R3HDM1: variants seen among roughly 807,000 people sequenced by gnomAD.
The protein encoded by R3HDM1 is R3H domain containing 1.
In R3HDM1, 46 loss-of-function variants were observed where a neutral mutation model predicts 141.1. That is an observed-to-expected ratio of 0.33 (90% CI 0.26 to 0.42). The LOEUF (loss-of-function observed/expected upper bound fraction) is 0.42. R3HDM1 is among the 10% of genes least tolerant of loss of function. The pLI is 1.00. For synonymous variants in R3HDM1, 435 were observed against 472.9 expected, an observed-to-expected ratio of 0.92 and a Z score of 1.04; for missense variants, 1,184 against 1,368.3, an observed-to-expected ratio of 0.87 and a Z score of 2.12.
intron 5 of R3HDM1, among the ~76,000 whole-genome samples, chr2:135,617,868 C>A (rs1432087586): frequency 2.6e-5 from 4 of 152,148 alleles, no homozygotes; most frequent in Non-Finnish European, 5.9e-5. Context: ...CATGACTGAT[C>A]CATGACATGT....
At chr2:135,630,981 A>G (rs1397267720) in intron 7 of R3HDM1, among the ~76,000 whole-genome samples, 2 of 152,176 alleles carry the variant, frequency 1.3e-5, no homozygotes, top group African/African-American at 4.8e-5. Flanking sequence ...GGTACTCCCT[A>G]GAGTCCTTAT....
chr2:135,632,247 A>G (rs772854554), intron 9 of R3HDM1, among the ~76,000 whole-genome samples: 1 of 151,988 alleles, frequency 6.6e-6, no homozygotes, highest in Non-Finnish European at 1.5e-5. Flanking sequence ...TCCAGAGGAC[A>G]TAGTATCAGT....
intron 1 of R3HDM1, among the ~76,000 whole-genome samples, chr2:135,582,750 ATGT>A (rs1559167401): frequency 1.3e-5 from 2 of 152,188 alleles, no homozygotes; most frequent in African/African-American, 4.8e-5. Flanking sequence ...TAATAGGAGA[ATGT>A]TGTATATTTG....
In R3HDM1 at chr2:135,720,124, T is replaced by A. The variant is rs560114856; in HGVS notation, c.2882-1800T>A. ...TCCCAAAGTGCTGGAATTACAGGCGTGAGCCACCGCGCCCGGCCTTCACAA... is the reference window on the plus strand; with the variant it reads ...TCCCAAAGTGCTGGAATTACAGGCGAGAGCCACCGCGCCCGGCCTTCACAA... On this transcript the variant is annotated intron_variant, in intron 24 of 26. Transcript: ENST00000683871. 2.0e-4 allele frequency among the ~76,000 whole-genome samples: 30 copies of A among 152,340 alleles called. No individual in the cohort carries two copies. The South Asian group carries it at 5.8e-3, about 29-fold the overall frequency.
chr2:135,622,220 CT>C, intron 6 of R3HDM1: 1 of 984,488 alleles, frequency 1.0e-6, no homozygotes, highest in Non-Finnish European at 1.2e-6. Flanking sequence ...ACTAAAATTT[CT>C]ATCTACCTCC....
At chr2:135,572,767 C>T (rs1034597888) in intron 1 of R3HDM1, among the ~76,000 whole-genome samples, 6 of 152,166 alleles carry the variant, frequency 3.9e-5, no homozygotes, top group African/African-American at 9.7e-5. Context: ...CAAATGTTAT[C>T]AGCTGACAAA....
At chr2:135,543,303 T>C (rs554430791) in intron 1 of R3HDM1, 1 of 161,036 alleles carries the variant, frequency 6.2e-6, no homozygotes, top group South Asian at 2.0e-4. Context: ...TTCTGGACTT[T>C]CAATTCTATT....
At chr2:135,656,130 T>C (rs985781940) in intron 18 of R3HDM1, among the ~76,000 whole-genome samples, 2 of 138,716 alleles carry the variant, frequency 1.4e-5, no homozygotes, top group Non-Finnish European at 3.0e-5. Context: ...CTTCCTGATA[T>C]ATTGACTCAT....
Position 135,709,455 on chromosome 2 carries a change from C to T in R3HDM1, c.2482C>T (p.His828Tyr). 2.5e-6 allele frequency: 4 copies of T among 1,614,162 alleles called. No individual in the cohort carries two copies. The highest frequency in any genetic ancestry group is 3.4e-6 in the Non-Finnish European group (4 of 1,180,018). The change falls in exon 22 of 27, where the codon CAT becomes TAT. Residue 828 changes from histidine (H) to tyrosine (Y), a missense_variant. Coordinates refer to ENST00000683871, the MANE Select transcript of R3HDM1 (RefSeq NM_001378107.1). ...NLSSSVGYLQHPGSEQVQFPR... is the reference protein window; with the variant it reads ...NLSSSVGYLQYPGSEQVQFPR... ...TAGCTCTTCAGTAGGTTACCTGCAA[C>T]ATCCAGGATCAGAACAAGTACAATT...
chr2:135,650,894 A>T, intron 17 of R3HDM1: 1 of 985,404 alleles, frequency 1.0e-6, no homozygotes, highest in South Asian at 4.7e-5. Flanking sequence ...TTGACCTTTT[A>T]ACAAAATGTG....
intron 21 of R3HDM1, among the ~76,000 whole-genome samples, chr2:135,707,392 A>C (rs543524241): frequency 6.6e-6 from 1 of 152,316 alleles, no homozygotes; most frequent in Admixed American, 6.5e-5. Context: ...TGAATTATCT[A>C]TACGTCTCTC....
At chr2:135,663,703 A>G (rs953823563) in intron 19 of R3HDM1, among the ~76,000 whole-genome samples, 3 of 152,142 alleles carry the variant, frequency 2.0e-5, no homozygotes, top group African/African-American at 7.2e-5. Context: ...AGACTTTTTT[A>G]TAGTTAGCTC....
intron 1 of R3HDM1, among the ~76,000 whole-genome samples, chr2:135,594,095 G>C (rs1267524783): frequency 6.6e-6 from 1 of 152,214 alleles, no homozygotes; most frequent in Admixed American, 6.5e-5. Context: ...CGCTTCTGTG[G>C]TGGGCTTGGT....
intron 21 of R3HDM1, among the ~76,000 whole-genome samples, chr2:135,685,700 GT>G (rs1485371350): frequency 3.3e-5 from 5 of 152,096 alleles, no homozygotes; most frequent in Admixed American, 1.3e-4. Flanking sequence ...GAATATGCTG[GT>G]CCAATAAGCT....
At chr2:135,532,774 T>TA (rs1477585824) in intron 1 of R3HDM1, among the ~76,000 whole-genome samples, 1 of 152,252 alleles carries the variant, frequency 6.6e-6, no homozygotes, top group Non-Finnish European at 1.5e-5. Flanking sequence ...TCTCAATTTC[T>TA]AAAAATTTGG....
chr2:135,607,260 T>C (rs1311570394), intron 3 of R3HDM1: 16 of 972,962 alleles, frequency 1.6e-5, no homozygotes, highest in Non-Finnish European at 2.0e-5. Flanking sequence ...CTGCTGAGAT[T>C]ACAGGCGTGA....
At chr2:135,573,741 CAAAG>C (rs1704697861) in intron 1 of R3HDM1, among the ~76,000 whole-genome samples, 3 of 152,124 alleles carry the variant, frequency 2.0e-5, no homozygotes, top group South Asian at 4.2e-4. Flanking sequence ...TGCAGCAAAA[CAAAG>C]AGAACCACAA....
intron 22 of R3HDM1, 125 bp downstream of exon 22, chr2:135,709,661 A>T: frequency 1.8e-5 from 20 of 1,140,270 alleles, no homozygotes; most frequent in South Asian, 4.5e-5. Flanking sequence ...CACAATATTG[A>T]GGGTGCTGTA....
Position 135,596,276 on chromosome 2 carries a change from G to A in R3HDM1, c.-249-6224G>A, listed in dbSNP as rs534593717. On this transcript the variant is annotated intron_variant, in intron 1 of 26. Transcript: ENST00000683871. ...GCCTCCCAAAGTGCTGGGATTACAGGCATGAGCCACCGCGCCCAGCCTAAT... is the reference window on the plus strand; with the variant it reads ...GCCTCCCAAAGTGCTGGGATTACAGACATGAGCCACCGCGCCCAGCCTAAT... Among the ~76,000 whole-genome samples, 7 of 152,258 alleles carry A rather than the reference G, an allele frequency of 4.6e-5. No individual in the cohort carries two copies. In the East Asian group the frequency reaches 1.2e-3, roughly 25 times the overall value.
Sources: allele counts gnomAD v4.1 joint callset (sites outside exome capture counted in the v4.1 genomes callset), GRCh38; gene constraint gnomAD v4.1.1; transcripts MANE v1.5; gene names NCBI Gene and HGNC (gene_info 2026-07-23, HGNC 2026-07-21).